USP42: variants seen among roughly 807,000 people sequenced by gnomAD.
USP42 encodes the protein ubiquitin specific peptidase 42.
USP42 carries 23 observed loss-of-function variants against 113.0 expected under a neutral mutation model. The observed-to-expected ratio is 0.20, with a 90% CI of 0.15 to 0.29. The LOEUF (loss-of-function observed/expected upper bound fraction) is 0.29. Among genes scored for constraint, USP42 ranks in the 10% least tolerant of loss-of-function variants. The probability of loss-of-function intolerance (pLI) is 1.00; values close to 1 mark genes in which losing one functional copy is unlikely to be tolerated. For synonymous variants in USP42, 933 were observed against 699.0 expected, an observed-to-expected ratio of 1.33 and a Z score of -5.28; for missense variants, 2,174 against 1,779.8, an observed-to-expected ratio of 1.22 and a Z score of -3.99.
At position 6,154,659 on chromosome 7, in the gene USP42, C is replaced by T. The variant is rs1421380198; in HGVS notation, c.3105C>T (p.His1035=). The T allele has an allele frequency of 1.9e-6, 3 of 1,606,264 alleles. No individual in the cohort carries two copies. Among genetic ancestry groups the T allele is most frequent in the Non-Finnish European group, 2.5e-6 (3 of 1,177,382 alleles). ...GGGTGGAGCTGGACTGGGTCAGACACCACTACACCGAGGGCGAGCGTGGCT... is the reference window on the plus strand; with the variant it reads ...GGGTGGAGCTGGACTGGGTCAGACATCACTACACCGAGGGCGAGCGTGGCT... ...RSGVELDWVR[H]HYTEGERGWG... is the part of the protein sequence containing the mutation. Residue 1035 remains histidine, a synonymous_variant, in exon 15 of 18, where the codon CAC becomes CAT. Transcript: ENST00000306177.
the USP42 span, among the ~76,000 whole-genome samples, chr7:6,088,403 C>T: frequency 2.7e-5 from 4 of 150,864 alleles, no homozygotes; most frequent in Non-Finnish European, 5.9e-5. Context: ...TTAAAGGCAC[C>T]CGCCACCATG....
chr7:6,153,555 G>A (rs1274827601), intron 14 of USP42, among the ~76,000 whole-genome samples: 1 of 152,200 alleles, frequency 6.6e-6, no homozygotes, highest in Non-Finnish European at 1.5e-5. Flanking sequence ...AATGGGTGCA[G>A]CACACCAGCA....
the USP42 span, among the ~76,000 whole-genome samples, chr7:6,092,053 C>CTTTTCTTCTTCTTCTTCTTCTTT: frequency 2.4e-5 from 1 of 41,700 alleles, no homozygotes; most frequent in Admixed American, 2.8e-4. Flanking sequence ...TCTTCTTCTT[C>CTTTTCTTCTTCTTCTTCTTCTTT]TTTCTTCTTC....
chr7:6,101,149 C>T (rs974536358), upstream of USP42, among the ~76,000 whole-genome samples: 1 of 151,048 alleles, frequency 6.6e-6, no homozygotes, highest in African/African-American at 2.5e-5. Flanking sequence ...GTCTCCCCTT[C>T]AGCTAAGAAC....
At chr7:6,085,341 G>T in the USP42 span, 1 of 149,898 alleles carries the variant, frequency 6.7e-6, no homozygotes, top group Non-Finnish European at 1.5e-5. Flanking sequence ...TGGCCACGCT[G>T]GTCTGGATCT....
At chr7:6,085,023 A>T in the USP42 span, 1 of 150,804 alleles carries the variant, frequency 6.6e-6, no homozygotes, top group Non-Finnish European at 1.5e-5. Flanking sequence ...CCAGCCAAGG[A>T]CTCTTAAGTG....
intron 3 of USP42, among the ~76,000 whole-genome samples, chr7:6,132,991 G>A (rs1780935185): frequency 6.6e-6 from 1 of 152,116 alleles, no homozygotes; most frequent in Admixed American, 6.6e-5. Context: ...TTTATCTCCA[G>A]TGCTTTTAAG....
intron 9 of USP42, 53 bp from the exon 10 acceptor site, chr7:6,145,463 G>A: frequency 6.2e-7 from 1 of 1,609,320 alleles, no homozygotes; most frequent in Non-Finnish European, 8.5e-7. Flanking sequence ...ACCTGAATAT[G>A]TGGAATGATC....
At chr7:6,115,947 A>G (rs1470701765) in intron 3 of USP42, among the ~76,000 whole-genome samples, 2 of 152,074 alleles carry the variant, frequency 1.3e-5, no homozygotes, top group Non-Finnish European at 2.9e-5. Flanking sequence ...AAAAATAAAA[A>G]TAAAAATTAG....
In USP42 at chr7:6,153,867, C is replaced by T. The variant is rs759211169; in HGVS notation, c.2313C>T (p.Ser771=). 5 of 1,558,174 alleles carry T rather than the reference C, an allele frequency of 3.2e-6. No individual in the cohort carries two copies. The African/African-American group carries it at 4.1e-5, about 13-fold the overall frequency. The change falls in exon 15 of 18, where the codon AGC becomes AGT. Residue 771 remains serine, a synonymous_variant. Coordinates refer to ENST00000306177, the MANE Select transcript of USP42 (RefSeq NM_032172.3). ...EEPDAAAGLS[S]TKKAPPPRDP... ...CAGATGCGGCCGCCGGCCTCAGCAGCACCAAGAAGGCTCCGCCGCCCCGCG... is the reference window on the plus strand; with the variant it reads ...CAGATGCGGCCGCCGGCCTCAGCAGTACCAAGAAGGCTCCGCCGCCCCGCG...
the USP42 span, among the ~76,000 whole-genome samples, chr7:6,091,716 T>C: frequency 0.021 from 1,140 of 54,478 alleles, 32 homozygotes; most frequent in Middle Eastern, 0.054. Flanking sequence ...CACACACACA[T>C]ATATATGTTG....
chr7:6,089,190 G>A, the USP42 span, among the ~76,000 whole-genome samples: 19 of 147,728 alleles, frequency 1.3e-4, 3 homozygotes, highest in African/African-American at 4.9e-4. Context: ...GACTACAGGC[G>A]CCCGACACCA....
At chr7:6,110,879 C>A (rs1476344507) in intron 1 of USP42, among the ~76,000 whole-genome samples, 1 of 152,128 alleles carries the variant, frequency 6.6e-6, no homozygotes, top group Non-Finnish European at 1.5e-5. Flanking sequence ...ATGAGAAGTT[C>A]TTTTAATCAA....
In USP42 at chr7:6,150,202, C is replaced by T. The variant is rs761880903; in HGVS notation, c.2006C>T (p.Pro669Leu). Residue 669 changes from proline (P) to leucine (L), a missense_variant, in exon 13 of 18, where the codon CCG becomes CTG. Coordinates refer to ENST00000306177, the MANE Select transcript of USP42 (RefSeq NM_032172.3). ...GANSADSDSD[P>L]KENGLAPDGA... is the part of the protein sequence containing the mutation. ...AATAGTGCAGACAGCGACAGTGACC[C>T]GAAAGAAAACGGCCTAGCGCCTGAT... 4.7e-5 allele frequency: 76 copies of T among 1,613,896 alleles called. No homozygotes were observed. The East Asian group carries it at 1.5e-3, about 33-fold the overall frequency.
At position 6,159,839 on chromosome 7, in the gene USP42, C is replaced by G. The variant is rs1285060334; in HGVS notation, c.*36+346C>G. Among the ~76,000 whole-genome samples the G allele has an allele frequency of 6.6e-6, 1 of 152,258 alleles. No individual in the cohort carries two copies. The highest frequency in any genetic ancestry group is 2.4e-5 in the African/African-American group (1 of 41,470). On this transcript the variant is annotated intron_variant, in intron 17 of 17. Transcript: ENST00000306177. This position sits in a 1 kb window ranked among gnomAD's most constrained non-coding sequence, Gnocchi z 4.1. ...TGATAAACATCTGGGAAGGGAGAGG[C>G]CCGGTCCCCAGCACAGGCACCTCAC... is the stretch of plus-strand genomic sequence containing the variant.
chr7:6,107,524 C>T lies in USP42; in HGVS notation c.-10+2492C>T, dbSNP rs568297208. ...TCCTGGGTTCAAGGGATTCTCCTGCCTCAGCCTCCCGAGTAGCTGGGATTA... is the reference window on the plus strand; with the variant it reads ...TCCTGGGTTCAAGGGATTCTCCTGCTTCAGCCTCCCGAGTAGCTGGGATTA... On this transcript the variant is annotated intron_variant, in intron 1 of 17. Coordinates refer to ENST00000306177, the MANE Select transcript of USP42 (RefSeq NM_032172.3). Among the ~76,000 whole-genome samples the T allele has an allele frequency of 1.1e-4, 17 of 151,980 alleles. No homozygotes were observed. The East Asian group carries it at 3.3e-3, about 29-fold the overall frequency.
At chr7:6,120,727 G>A (rs1397200521) in intron 3 of USP42, among the ~76,000 whole-genome samples, 1 of 151,678 alleles carries the variant, frequency 6.6e-6, no homozygotes, top group Non-Finnish European at 1.5e-5. Context: ...GAGATTACAG[G>A]TGCCCACCAT....
chr7:6,150,596 A>G, intron 14 of USP42, 90 bp downstream of exon 14: 4 of 1,083,300 alleles, frequency 3.7e-6, no homozygotes, highest in Non-Finnish European at 5.6e-6. Flanking sequence ...TGCTGTAGAA[A>G]TTTTATAATG....
intron 1 of USP42, among the ~76,000 whole-genome samples, chr7:6,107,669 A>G (rs1307089261): frequency 6.6e-6 from 1 of 151,982 alleles, no homozygotes; most frequent in Non-Finnish European, 1.5e-5. Flanking sequence ...TCGTCCTCCC[A>G]AAGTGCTGGG....
Sources: gnomAD v4.1 joint callset for allele counts (sites outside exome capture counted in the v4.1 genomes callset) on GRCh38, gnomAD v4.1.1 for gene constraint, Gnocchi (gnomAD v3.1) non-coding constraint, MANE v1.5 for transcripts, NCBI Gene and HGNC (gene_info 2026-07-23, HGNC 2026-07-21) for gene names.